Variants in MERTK observed in about 807,000 individuals in gnomAD.
MERTK encodes the protein MER proto-oncogene, tyrosine kinase, also known as tyrosine-protein kinase Mer.
Under a neutral mutation model 99.3 loss-of-function variants are expected in MERTK, and 69 were observed. The ratio of observed to expected loss-of-function variants is 0.70; its 90% CI spans 0.57 to 0.85. The LOEUF is 0.85. MERTK is among the 40% of genes least tolerant of loss of function. The probability of loss-of-function intolerance (pLI) is 0.00; values close to 1 mark genes in which losing one functional copy is unlikely to be tolerated. For missense variants in MERTK, 1,125 were observed against 1,249.4 expected (o/e 0.90, Z 1.50); for synonymous variants, 426 against 467.6 (o/e 0.91, Z 1.15).
chr2:112,027,267 G>GTA (rs1677482969), intron 18 of MERTK, among the ~76,000 whole-genome samples: 1 of 149,476 alleles, frequency 6.7e-6, no homozygotes, highest in African/African-American at 2.5e-5. Context: ...CCATATATGT[G>GTA]TATATATATG....
chr2:111,910,273 G>GTT (rs55791941), intron 1 of MERTK, among the ~76,000 whole-genome samples: 4,319 of 144,750 alleles, frequency 0.03, 183 homozygotes, highest in African/African-American at 0.086. Flanking sequence ...TCTGTTTTTT[G>GTT]TTTTTTTTTT....
chr2:111,918,924 G>T (rs1416140562), intron 1 of MERTK, among the ~76,000 whole-genome samples: 1 of 152,122 alleles, frequency 6.6e-6, no homozygotes, highest in Non-Finnish European at 1.5e-5. Flanking sequence ...TAAACTTGGG[G>T]ACTCAGCATC....
chr2:112,027,229 TATTA>T (rs1217169383), intron 18 of MERTK, among the ~76,000 whole-genome samples: 2 of 151,358 alleles, frequency 1.3e-5, no homozygotes, highest in South Asian at 2.1e-4. Flanking sequence ...AGGCCAGGCA[TATTA>T]ATTGGCATGC....
rs554873054 is a variant in MERTK, at chr2:111,986,020, AC to A, written c.1296+3028del. 7.1e-3 allele frequency among the ~76,000 whole-genome samples: 1,081 copies of A among 152,240 alleles called. 3 individuals are homozygous for A. Among genetic ancestry groups the A allele is most frequent in the Non-Finnish European group, 0.012 (820 of 68,022 alleles). On this transcript the variant is annotated intron_variant, in intron 8 of 18. Coordinates refer to ENST00000295408, the MANE Select transcript of MERTK (RefSeq NM_006343.3). The stretch of plus-strand genomic sequence containing the variant: ...CACATATCATCCAGCATTTATCAAA[AC>A]TGCCATTTTCTGAAAGGACACTTAA...
At chr2:111,899,604 GCC>G (rs1684005208) in intron 1 of MERTK, among the ~76,000 whole-genome samples, 2 of 151,942 alleles carry the variant, frequency 1.3e-5, no homozygotes, top group South Asian at 4.2e-4. Flanking sequence ...TGCAGGCTCC[GCC>G]TCCCGGGTTC....
At position 111,965,272 on chromosome 2, in the gene MERTK, TCAAAGGTAAGCAG is replaced by T; in HGVS notation, c.843_844+11del. 1 of 1,614,124 alleles carries T rather than the reference TCAAAGGTAAGCAG, an allele frequency of 6.2e-7. No individual in the cohort carries two copies. Among genetic ancestry groups the T allele is most frequent in the South Asian group, 1.1e-5 (1 of 91,080 alleles). On this transcript the variant is annotated splice_donor_variant and splice_donor_5th_base_variant and coding_sequence_variant and intron_variant, in exon 5 of 19. Transcript: ENST00000295408. LOFTEE classifies it high-confidence loss of function. ...GTGTCCAAGGGAGTGCAGATCAACA[TCAAAGGTAAGCAG>T]CAAGGCTAGGCTCCCCATGCATGTT...
At chr2:112,003,643 A>C (rs1253730145) in intron 12 of MERTK, among the ~76,000 whole-genome samples, 1 of 152,144 alleles carries the variant, frequency 6.6e-6, no homozygotes, top group Non-Finnish European at 1.5e-5. Flanking sequence ...TTCTCTTCTA[A>C]GTGTCTTGGA....
intron 18 of MERTK, among the ~76,000 whole-genome samples, chr2:112,023,300 G>C (rs1677395721): frequency 6.6e-6 from 1 of 152,110 alleles, no homozygotes; most frequent in Non-Finnish European, 1.5e-5. Flanking sequence ...TGTAGTCCCA[G>C]CTACTCGGGA....
rs764842052 is a variant in MERTK, at chr2:111,929,189, A to G, written c.131A>G (p.Gln44Arg). The G allele has an allele frequency of 1.2e-6, 2 of 1,614,190 alleles. No homozygotes were observed. The highest frequency in any genetic ancestry group is 2.2e-5 in the South Asian group (2 of 91,074). ...LFPGPFPGSL[Q>R]TDHTPLLSLP... The stretch of plus-strand genomic sequence containing the variant: ...CCGGGACCTTTTCCAGGGAGCCTGC[A>G]AACTGACCACACACCGCTGTTATCC... Residue 44 changes from glutamine (Q) to arginine (R), a missense_variant, in exon 2 of 19, where the codon CAA becomes CGA. Gln to Arg is a conservative substitution (Grantham distance 43). Transcript: ENST00000295408.
intron 1 of MERTK, among the ~76,000 whole-genome samples, chr2:111,910,591 A>AAGTGTGTGT (rs1553444751): frequency 7.1e-6 from 1 of 141,214 alleles, no homozygotes; most frequent in African/African-American, 2.6e-5. Flanking sequence ...TTAAAAAAAA[A>AAGTGTGTGT]GTGTGTGTGT....
intron 1 of MERTK, among the ~76,000 whole-genome samples, chr2:111,916,443 T>G (rs1341841761): frequency 1.3e-5 from 2 of 152,216 alleles, no homozygotes; most frequent in Non-Finnish European, 2.9e-5. Context: ...TGTTTTGTTT[T>G]TAGTATACCG....
intron 5 of MERTK, 114 bp downstream of exon 5, chr2:111,965,391 T>A: frequency 1.0e-6 from 1 of 991,440 alleles, no homozygotes; most frequent in Non-Finnish European, 1.6e-6. Flanking sequence ...GTCTCAAGGT[T>A]CTTTGTGACC....
At chr2:111,955,223 C>T (rs1379724217) in intron 4 of MERTK, among the ~76,000 whole-genome samples, 4 of 152,180 alleles carry the variant, frequency 2.6e-5, no homozygotes, top group South Asian at 4.1e-4. Context: ...ATGCCTTTTC[C>T]CTCTTGATAC....
At chr2:111,933,072 C>A (rs559329142) in intron 2 of MERTK, among the ~76,000 whole-genome samples, 32 of 152,278 alleles carry the variant, frequency 2.1e-4, no homozygotes, top group African/African-American at 7.0e-4. Context: ...TGGCGATACT[C>A]CTGCTCTGTC....
chr2:112,020,203 G>A (rs1350482425), intron 16 of MERTK, among the ~76,000 whole-genome samples: 1 of 152,198 alleles, frequency 6.6e-6, no homozygotes, highest in Non-Finnish European at 1.5e-5. Context: ...CTGCCCCTAG[G>A]GCTCCTACCT....
intron 2 of MERTK, among the ~76,000 whole-genome samples, chr2:111,932,077 G>A (rs1237316790): frequency 6.6e-6 from 1 of 152,160 alleles, no homozygotes; most frequent in Non-Finnish European, 1.5e-5. Flanking sequence ...ATTCTACTGT[G>A]TGTTTTCAGC....
intron 2 of MERTK, among the ~76,000 whole-genome samples, 161 bp downstream of exon 2, chr2:111,929,701 C>G (rs998494327): frequency 6.6e-6 from 1 of 150,446 alleles, no homozygotes; most frequent in Non-Finnish European, 1.5e-5. Flanking sequence ...ATTCTCCTGC[C>G]TCAGCCTCCG....
At chr2:111,934,071 C>T (rs1444436828) in intron 2 of MERTK, among the ~76,000 whole-genome samples, 1 of 152,152 alleles carries the variant, frequency 6.6e-6, no homozygotes, top group Non-Finnish European at 1.5e-5. Flanking sequence ...TTTATGGCTG[C>T]ATAGTATTCC....
chr2:111,898,611 G>A lies in MERTK; in HGVS notation c.-125G>A, dbSNP rs866712178. On this transcript the variant is annotated 5_prime_UTR_variant, in exon 1 of 19. Coordinates refer to ENST00000295408, the MANE Select transcript of MERTK (RefSeq NM_006343.3). ...CGCCGGCCGCTTGGCTCCGCCACTC[G>A]GCACTCACTGCCCGGGCCGCCCGGA... The A allele has an allele frequency of 5.5e-5, 64 of 1,154,720 alleles. 1 individual carries two copies. The Middle Eastern group carries it at 1.4e-3, about 25-fold the overall frequency. 71.5% of individuals were successfully genotyped at this position (1,154,720 alleles called of 1,614,324 possible).
Sources: gnomAD v4.1 joint callset for allele counts (sites outside exome capture counted in the v4.1 genomes callset) on GRCh38, gnomAD v4.1.1 for gene constraint, MANE v1.5 for transcripts, NCBI Gene and HGNC (gene_info 2026-07-23, HGNC 2026-07-21) for gene names.